The following NCAM1 variants were observed in gnomAD, a reference collection of about 807,000 sequenced individuals.
NCAM1 encodes antigen recognized by monoclonal antibody 5.1H11.
In NCAM1, 14 loss-of-function variants were observed where a neutral mutation model predicts 109.8. The observed-to-expected ratio is 0.13, with a 90% CI of 0.08 to 0.20. The LOEUF is 0.20. Among genes scored for constraint, NCAM1 ranks in the 10% least tolerant of loss-of-function variants. The pLI is 1.00. For missense variants in NCAM1, 774 were observed against 1,109.9 expected (o/e 0.70, Z 4.30); for synonymous variants, 418 against 442.9 (o/e 0.94, Z 0.70).
chr11:113,064,849 T>C (rs1271834139), intron 1 of NCAM1, among the ~76,000 whole-genome samples: 1 of 152,152 alleles, frequency 6.6e-6, no homozygotes, highest in African/African-American at 2.4e-5. Flanking sequence ...AAATATAACG[T>C]TTAATATAGA....
At chr11:113,116,256 G>C (rs147957886) in intron 1 of NCAM1, among the ~76,000 whole-genome samples, 1 of 152,328 alleles carries the variant, frequency 6.6e-6, no homozygotes, top group Non-Finnish European at 1.5e-5. Flanking sequence ...TGTTGCTTGA[G>C]TACTATCTAT....
intron 15 of NCAM1, among the ~76,000 whole-genome samples, 200 bp from the exon 16 acceptor site, chr11:113,255,677 C>G (rs1945815059): frequency 6.7e-6 from 1 of 149,986 alleles, no homozygotes; most frequent in East Asian, 2.0e-4. Context: ...CCAGAACATT[C>G]CCAAGAGGCA....
chr11:113,079,316 A>T (rs982703747), intron 1 of NCAM1, among the ~76,000 whole-genome samples: 1 of 152,230 alleles, frequency 6.6e-6, no homozygotes, highest in African/African-American at 2.4e-5. Context: ...GTCTAGAGTC[A>T]GTCCACTGGT....
Position 113,048,705 on chromosome 11 carries a change from G to T in NCAM1, c.52+87041G>T, listed in dbSNP as rs551825819. On this transcript the variant is annotated intron_variant, in intron 1 of 19. Transcript: ENST00000316851. ...GTATGGACTTTGGGTTATCCTGCCT[G>T]CCCCCAGCCCTGGCTTTGACACATA... 5.9e-5 allele frequency among the ~76,000 whole-genome samples: 9 copies of T among 152,294 alleles called. No individual in the cohort carries two copies. In the South Asian group the frequency reaches 1.9e-3, roughly 32 times the overall value.
chr11:113,220,602 C>CTCTTTTTTTT (rs1319361444), intron 8 of NCAM1, among the ~76,000 whole-genome samples: 35 of 75,598 alleles, frequency 4.6e-4, no homozygotes, highest in African/African-American at 2.1e-3. Context: ...CTCTCTCTCT[C>CTCTTTTTTTT]TTTTTTTTTT....
chr11:113,075,049 C>T (rs568775872), intron 1 of NCAM1, among the ~76,000 whole-genome samples: 9 of 152,164 alleles, frequency 5.9e-5, no homozygotes, highest in African/African-American at 1.2e-4. Context: ...GTTTCTGCCC[C>T]GCTCTGTGTT....
At chr11:112,987,453 T>C (rs1951338609) in intron 1 of NCAM1, among the ~76,000 whole-genome samples, 1 of 152,162 alleles carries the variant, frequency 6.6e-6, no homozygotes, top group Admixed American at 6.6e-5. Flanking sequence ...TGATTTTCTG[T>C]CTGGACGATC....
intron 1 of NCAM1, among the ~76,000 whole-genome samples, chr11:113,066,588 T>A (rs1378695537): frequency 6.6e-6 from 1 of 152,188 alleles, no homozygotes; most frequent in Non-Finnish European, 1.5e-5. Context: ...CCTTTAATCA[T>A]CTTTTCTCTT....
chr11:113,218,979 C>T (rs1944608435), intron 8 of NCAM1, among the ~76,000 whole-genome samples: 2 of 152,150 alleles, frequency 1.3e-5, no homozygotes, highest in Non-Finnish European at 2.9e-5. Context: ...GTGCTAAATT[C>T]CAGGTTTCAT....
chr11:112,965,157 A>G (rs782514455), intron 1 of NCAM1, among the ~76,000 whole-genome samples: 1 of 152,114 alleles, frequency 6.6e-6, no homozygotes, highest in Non-Finnish European at 1.5e-5. Flanking sequence ...TCTTACAATG[A>G]TAATTGATTA....
chr11:113,097,121 G>C (rs1208033110), intron 1 of NCAM1, among the ~76,000 whole-genome samples: 1 of 152,162 alleles, frequency 6.6e-6, no homozygotes, highest in Non-Finnish European at 1.5e-5. Flanking sequence ...AGTCTGACAT[G>C]TTAAAAAGCT....
chr11:113,100,793 A>C (rs1939840540), intron 1 of NCAM1, among the ~76,000 whole-genome samples: 1 of 152,058 alleles, frequency 6.6e-6, no homozygotes, highest in Admixed American at 6.5e-5. Context: ...AGGCAGGAAA[A>C]CAGGGATGTG....
chr11:113,072,218 G>A (rs184987904), intron 1 of NCAM1, among the ~76,000 whole-genome samples: 1 of 152,166 alleles, frequency 6.6e-6, no homozygotes, highest in East Asian at 1.9e-4. Flanking sequence ...ATTTTGATTT[G>A]GCCAATGGTT....
intron 1 of NCAM1, among the ~76,000 whole-genome samples, chr11:113,143,942 G>A (rs778070171): frequency 6.6e-6 from 1 of 152,186 alleles, no homozygotes. Flanking sequence ...ATCCATGGTT[G>A]CTTGGAAATC....
At chr11:113,009,327 T>G (rs1447318846) in intron 1 of NCAM1, among the ~76,000 whole-genome samples, 2 of 138,822 alleles carry the variant, frequency 1.4e-5, no homozygotes, top group Non-Finnish European at 3.1e-5. Flanking sequence ...TTTTTTTTTT[T>G]TTTTTTTTTT....
intron 1 of NCAM1, among the ~76,000 whole-genome samples, chr11:113,070,441 G>A (rs1361089128): frequency 1.3e-5 from 2 of 152,112 alleles, no homozygotes; most frequent in African/African-American, 4.8e-5. Context: ...AGAGAGGCAC[G>A]GGGTTGAAGG....
At chr11:112,966,625 T>A (rs1950735288) in intron 1 of NCAM1, among the ~76,000 whole-genome samples, 1 of 152,246 alleles carries the variant, frequency 6.6e-6, no homozygotes. Flanking sequence ...AACCATTTGC[T>A]GATGTAAAGG....
At chr11:113,183,337 G>A (rs575541579) in intron 1 of NCAM1, among the ~76,000 whole-genome samples, 1 of 152,186 alleles carries the variant, frequency 6.6e-6, no homozygotes, top group Non-Finnish European at 1.5e-5. Context: ...TGTGGGATCT[G>A]TCTGTCCCGC....
intron 8 of NCAM1, among the ~76,000 whole-genome samples, chr11:113,215,851 CAT>C (rs1220329291): frequency 2.6e-5 from 4 of 152,324 alleles, no homozygotes; most frequent in East Asian, 1.9e-4. Context: ...CAGCCCCACT[CAT>C]GTGTGTTATG....
Sources: gnomAD v4.1 joint callset for allele counts (sites outside exome capture counted in the v4.1 genomes callset) on GRCh38, gnomAD v4.1.1 for gene constraint, MANE v1.5 for transcripts, NCBI Gene and HGNC (gene_info 2026-07-23, HGNC 2026-07-21) for gene names.